CUX2: variants seen among roughly 807,000 people sequenced by gnomAD.
The protein encoded by CUX2 is homeobox protein cut-like 2.
Under a neutral mutation model 144.8 loss-of-function variants are expected in CUX2, and 40 were observed. That is an observed-to-expected ratio of 0.28 (90% CI 0.21 to 0.36). The LOEUF (loss-of-function observed/expected upper bound fraction) is 0.36. Ranked by LOEUF, CUX2 falls within the 10% of genes least tolerant of loss-of-function variation. CUX2 has a pLI of 1.00. For missense variants in CUX2, 1,615 were observed against 1,994.0 expected, an observed-to-expected ratio of 0.81 and a Z score of 3.62; for synonymous variants, 827 against 875.6, an observed-to-expected ratio of 0.94 and a Z score of 0.98.
chr12:111,193,309 G>A (rs575075553), intron 1 of CUX2, among the ~76,000 whole-genome samples: 10 of 152,310 alleles, frequency 6.6e-5, no homozygotes, highest in African/African-American at 2.4e-4. Context: ...CACAGCCGGC[G>A]GCTGACTGTT....
chr12:111,238,825 A>C (rs1778532796), intron 3 of CUX2, among the ~76,000 whole-genome samples: 1 of 152,170 alleles, frequency 6.6e-6, no homozygotes, highest in African/African-American at 2.4e-5. Flanking sequence ...CGGGTGGGTC[A>C]CTTTAGGTCA....
chr12:111,227,395 C>T (rs1356579129), intron 3 of CUX2, among the ~76,000 whole-genome samples: 1 of 152,130 alleles, frequency 6.6e-6, no homozygotes, highest in African/African-American at 2.4e-5. Context: ...ACCTCAGTTT[C>T]CTTGTCTGTA....
At chr12:111,127,104 G>A (rs1194176796) in intron 1 of CUX2, among the ~76,000 whole-genome samples, 1 of 152,170 alleles carries the variant, frequency 6.6e-6, no homozygotes, top group Non-Finnish European at 1.5e-5. Flanking sequence ...TGCTTAATAT[G>A]TATCTTTATA....
intron 1 of CUX2, among the ~76,000 whole-genome samples, chr12:111,158,707 T>G (rs1877551629): frequency 6.6e-6 from 1 of 152,096 alleles, no homozygotes; most frequent in Non-Finnish European, 1.5e-5. Context: ...AAGGGAAATG[T>G]TGTGAGATTA....
Position 111,320,258 on chromosome 12 carries a change from G to C in CUX2, c.2249G>C (p.Gly750Ala), listed in dbSNP as rs1565917042. ...GAPALVKQEE[G>A]SGGPAQAPLP... ...CCGGCCTTGGTGAAGCAGGAGGAGG[G>C]CAGCGGGGGCCCCGCGCAGGCGCCG... Residue 750 changes from glycine (G) to alanine (A), a missense_variant, in exon 17 of 22, where the codon GGC becomes GCC. By Grantham distance (60) the Gly-to-Ala change is moderately conservative. Around this residue, in one of 12 missense-constraint regions of CUX2, gnomAD observed 390 missense variants for 387.1 expected, o/e 1.01. Transcript: ENST00000261726. This position sits in a 1 kb window ranked among gnomAD's most constrained non-coding sequence, Gnocchi z 8.1. The C allele has an allele frequency of 6.3e-7, 1 of 1,588,974 alleles. No individual in the cohort carries two copies. The highest frequency in any genetic ancestry group is 8.5e-7 in the Non-Finnish European group (1 of 1,175,164).
In CUX2 at chr12:111,293,322, C is replaced by T. The variant is rs1319970241; in HGVS notation, c.437-124C>T. 4 of 1,412,676 alleles carry T rather than the reference C, an allele frequency of 2.8e-6. No homozygotes were observed. Among genetic ancestry groups the T allele is most frequent in the Non-Finnish European group, 2.8e-6 (3 of 1,067,314 alleles). The allele number at this position is 1,412,676 out of a possible 1,614,324, so 87.5% of individuals were successfully genotyped here. A position where few individuals can be genotyped will look rare whatever the true frequency, so the allele number is the denominator to read the frequency against. On this transcript the variant is annotated intron_variant, in intron 5 of 21. Transcript: ENST00000261726. This position sits in a 1 kb window ranked among gnomAD's most constrained non-coding sequence, Gnocchi z 4.5. ...GCCCGCAGGGCCCCACAGCTGCGCT[C>T]TCTCCAAGGCCCAAGTTTGGGAAAT...
intron 18 of CUX2, among the ~76,000 whole-genome samples, chr12:111,327,934 G>A (rs997337074): frequency 2.0e-5 from 3 of 152,126 alleles, no homozygotes; most frequent in Admixed American, 2.0e-4. Context: ...CATGGTGGCA[G>A]GTGCCTGTAG....
intron 1 of CUX2, among the ~76,000 whole-genome samples, chr12:111,150,666 A>G (rs370464940): frequency 2.0e-5 from 3 of 146,604 alleles, no homozygotes; most frequent in South Asian, 2.2e-4. Context: ...TCACCTCTTC[A>G]TGAGCAACCA....
chr12:111,298,400 T>C (rs1440397023), intron 8 of CUX2, 141 bp from the exon 9 acceptor site: 2 of 815,658 alleles, frequency 2.5e-6, no homozygotes, highest in Non-Finnish European at 3.8e-6. Context: ...CCTAGGCTCT[T>C]TTCTCCCCAG....
chr12:111,152,870 G>C (rs1278209396), intron 1 of CUX2, among the ~76,000 whole-genome samples: 1 of 152,186 alleles, frequency 6.6e-6, no homozygotes. Flanking sequence ...GAGGCCACTT[G>C]CTGCATCTCC....
chr12:111,232,728 C>T (rs1882541608), intron 3 of CUX2, among the ~76,000 whole-genome samples: 1 of 152,160 alleles, frequency 6.6e-6, no homozygotes, highest in Non-Finnish European at 1.5e-5. Flanking sequence ...GAAAGTTTGC[C>T]AGCCCCTGCT....
chr12:111,242,588 C>T (rs1481974681), intron 3 of CUX2, among the ~76,000 whole-genome samples: 1 of 152,076 alleles, frequency 6.6e-6, no homozygotes, highest in Non-Finnish European at 1.5e-5. Flanking sequence ...CCGAGGTGGG[C>T]AGATCACCTT....
chr12:111,327,244 A>G (rs1252237490), intron 18 of CUX2, among the ~76,000 whole-genome samples: 1 of 152,204 alleles, frequency 6.6e-6, no homozygotes. Context: ...TGTAGTATGC[A>G]TCAGAATTTC....
intron 1 of CUX2, among the ~76,000 whole-genome samples, chr12:111,053,923 G>A (rs560986585): frequency 5.0e-4 from 76 of 152,212 alleles, no homozygotes; most frequent in Non-Finnish European, 9.4e-4. Context: ...GGGAGGCCAC[G>A]GCGGGTGGAT....
At chr12:111,084,184 G>A (rs1006548873) in intron 1 of CUX2, among the ~76,000 whole-genome samples, 8 of 152,178 alleles carry the variant, frequency 5.3e-5, no homozygotes, top group East Asian at 1.9e-4. Context: ...GGTCTACAGC[G>A]GTGAAGACTG....
At position 111,285,884 on chromosome 12, in the gene CUX2, T is replaced by C. The variant is rs537826209; in HGVS notation, c.302-5534T>C. Among the ~76,000 whole-genome samples the C allele has an allele frequency of 1.1e-3, 174 of 152,316 alleles. 1 individual carries two copies. Among genetic ancestry groups the C allele is most frequent in the Non-Finnish European group, 1.6e-3 (109 of 68,034 alleles). On this transcript the variant is annotated intron_variant, in intron 4 of 21. Transcript: ENST00000261726. ...TTGGGGAATCCGGGGCAGCACAGTG[T>C]GAGAGGAAGAGGTCTAAGGGCCCAT... is the stretch of plus-strand genomic sequence containing the variant.
At chr12:111,314,407 A>G (rs11065861) in intron 16 of CUX2, among the ~76,000 whole-genome samples, 63,298 of 151,866 alleles carry the variant, frequency 0.42, 18,684 homozygotes, top group East Asian at 0.89. Flanking sequence ...GGCCGAGGCC[A>G]AGGCGGGCAG....
In CUX2 at chr12:111,350,075, G is replaced by A. The variant is rs762293458; in HGVS notation, c.*1750G>A. 9 of 152,600 alleles carry A rather than the reference G, an allele frequency of 5.9e-5. No homozygotes were observed. Among genetic ancestry groups the A allele is most frequent in the Non-Finnish European group, 1.3e-4 (9 of 68,038 alleles). The allele number at this position is 152,600 out of a possible 1,614,324, so 9.5% of individuals were successfully genotyped here. On this transcript the variant is annotated 3_prime_UTR_variant, in exon 22 of 22. Transcript: ENST00000261726. ...CCATACACCCAGGCTATGCATTGAA[G>A]AGTTTTCCACTGTATACATTTTTAT...
At chr12:111,070,391 T>TC (rs1871207408) in intron 1 of CUX2, among the ~76,000 whole-genome samples, 1 of 107,110 alleles carries the variant, frequency 9.3e-6, no homozygotes, top group Admixed American at 8.6e-5. Context: ...CTTCCTTCCT[T>TC]CTTTCCTTCC....
Sources: allele counts gnomAD v4.1 joint callset (sites outside exome capture counted in the v4.1 genomes callset), GRCh38; gene constraint gnomAD v4.1.1; regional missense constraint gnomAD v4.1.1; non-coding constraint Gnocchi (gnomAD v3.1); transcripts MANE v1.5; gene names NCBI Gene and HGNC (gene_info 2026-07-23, HGNC 2026-07-21).